CNBD1: variants seen among roughly 807,000 people sequenced by gnomAD.
The protein encoded by CNBD1 is cyclic nucleotide binding domain containing 1.
Under a neutral mutation model 54.4 loss-of-function variants are expected in CNBD1, and 71 were observed. The observed-to-expected ratio is 1.30, with a 90% CI of 1.08 to 1.59. The LOEUF is 1.59. Among genes scored for constraint, CNBD1 ranks in the 40% most tolerant of loss-of-function variants. The probability of loss-of-function intolerance (pLI) is 0.00; values close to 1 mark genes in which losing one functional copy is unlikely to be tolerated. For synonymous variants in CNBD1, 182 were observed against 170.7 expected, an observed-to-expected ratio of 1.07 and a Z score of -0.51; for missense variants, 659 against 518.0, an observed-to-expected ratio of 1.27 and a Z score of -2.64.
intron 3 of CNBD1, among the ~76,000 whole-genome samples, chr8:86,913,898 C>T (rs1809143513): frequency 6.6e-6 from 1 of 152,044 alleles, no homozygotes; most frequent in Non-Finnish European, 1.5e-5. Flanking sequence ...TTTAGAGGCC[C>T]CGCCCTGGGA....
chr8:87,025,874 A>C (rs568089081), intron 4 of CNBD1, among the ~76,000 whole-genome samples: 2 of 152,154 alleles, frequency 1.3e-5, no homozygotes, highest in Non-Finnish European at 2.9e-5. Flanking sequence ...CCAAGAACCC[A>C]CCGGAAGGAA....
chr8:87,001,683 T>C (rs1808996188), intron 4 of CNBD1, among the ~76,000 whole-genome samples: 1 of 152,222 alleles, frequency 6.6e-6, no homozygotes, highest in Admixed American at 6.5e-5. Flanking sequence ...CCTGGGATCA[T>C]GCATAATTAA....
chr8:87,072,908 A>C (rs1810788411), intron 4 of CNBD1, among the ~76,000 whole-genome samples: 1 of 152,128 alleles, frequency 6.6e-6, no homozygotes, highest in South Asian at 2.1e-4. Context: ...ATGTTTTCCA[A>C]CTTGGTTCCA....
At chr8:87,368,409 G>A (rs1810687679) in intron 10 of CNBD1, among the ~76,000 whole-genome samples, 1 of 151,996 alleles carries the variant, frequency 6.6e-6, no homozygotes, top group East Asian at 1.9e-4. Flanking sequence ...GCTGAAGTGA[G>A]AGGACTGTTT....
At position 86,964,974 on chromosome 8, in the gene CNBD1, A is replaced by G. The variant is rs377434261; in HGVS notation, c.431+25220A>G. 3.3e-5 allele frequency among the ~76,000 whole-genome samples: 5 copies of G among 152,168 alleles called. No individual in the cohort carries two copies. The South Asian group carries it at 8.3e-4, about 25-fold the overall frequency. On this transcript the variant is annotated intron_variant, in intron 4 of 10. Transcript: ENST00000518476. Reference sequence around the variant, plus strand: ...ATGGAAAAGCTTTCTTCTTGAGGCAATGCTTCTTTTCTGTGCCTCAAGGTG... The same window carrying G: ...ATGGAAAAGCTTTCTTCTTGAGGCAGTGCTTCTTTTCTGTGCCTCAAGGTG...
rs117420950 is a variant in CNBD1, at chr8:86,995,425, A to G, written c.431+55671A>G. On this transcript the variant is annotated intron_variant, in intron 4 of 10. Coordinates refer to ENST00000518476, the MANE Select transcript of CNBD1 (RefSeq NM_173538.3). ...CAACAAACTAGTTACAAAAACAGTG[A>G]GTGGCTGGATATGGCCCATAGGCCA... Among the ~76,000 whole-genome samples the G allele has an allele frequency of 3.9e-3, 596 of 152,338 alleles. 2 individuals carry two copies. Among genetic ancestry groups the G allele is most frequent in the Middle Eastern group, 6.8e-3 (2 of 294 alleles).
intron 4 of CNBD1, among the ~76,000 whole-genome samples, chr8:87,149,864 ATAAT>A (rs769890337): frequency 3.3e-4 from 51 of 152,240 alleles, no homozygotes; most frequent in Non-Finnish European, 6.9e-4. Flanking sequence ...AAAATAGAAG[ATAAT>A]TAATAAGGAA....
chr8:87,311,679 A>G (rs764537032), intron 8 of CNBD1, among the ~76,000 whole-genome samples: 2 of 152,166 alleles, frequency 1.3e-5, no homozygotes, highest in African/African-American at 2.4e-5. Context: ...ACAATAGCAA[A>G]TATATGAAAT....
chr8:87,398,557 CT>C (rs1659045387), intron 2 of CNBD1, among the ~76,000 whole-genome samples: 1 of 151,984 alleles, frequency 6.6e-6, no homozygotes, highest in Admixed American at 6.6e-5. Context: ...TATTTTCACT[CT>C]CAGTTGCTTA....
intron 8 of CNBD1, among the ~76,000 whole-genome samples, chr8:87,303,895 A>G (rs571654741): frequency 6.6e-6 from 1 of 152,314 alleles, no homozygotes; most frequent in Admixed American, 6.5e-5. Flanking sequence ...AATGCTCACC[A>G]TCACTGGCCA....
chr8:87,137,957 T>TG lies in CNBD1; in HGVS notation c.432-68030dup, dbSNP rs377584721. Among the ~76,000 whole-genome samples, 426 of 152,052 alleles carry TG rather than the reference T, an allele frequency of 2.8e-3. 4 individuals carry two copies. Among genetic ancestry groups the TG allele is most frequent in the African/African-American group, 9.6e-3 (398 of 41,488 alleles). On this transcript the variant is annotated intron_variant, in intron 4 of 10. Coordinates refer to ENST00000518476, the MANE Select transcript of CNBD1 (RefSeq NM_173538.3). ...TTCTTCATTTTGTTCTTGAAGCCCT[T>TG]GGGGGGAAAAAAGGAGAAGCATAAT...
In CNBD1 at chr8:86,905,100, T is replaced by G. The variant is rs781715512; in HGVS notation, c.178T>G (p.Leu60Val). Residue 60 changes from leucine (L) to valine (V), a missense_variant, in exon 3 of 11, where the codon TTA becomes GTA. By Grantham distance (32) the Leu-to-Val change is conservative (BLOSUM62 1). Transcript: ENST00000518476. Reference protein sequence around the residue: ...GQHSRSMSNILSAHDTFMKQY... With the variant: ...GQHSRSMSNIVSAHDTFMKQY... ...TTTAAGCCGGAGTATGAGCAATATC[T>G]TATCAGCTCACGATACATTTATGAA... 1.9e-6 allele frequency: 3 copies of G among 1,608,614 alleles called. No individual in the cohort carries two copies. Among genetic ancestry groups the G allele is most frequent in the Non-Finnish European group, 2.6e-6 (3 of 1,176,022 alleles).
intron 4 of CNBD1, among the ~76,000 whole-genome samples, chr8:87,085,709 TG>T: frequency 6.6e-6 from 1 of 152,222 alleles, no homozygotes; most frequent in East Asian, 1.9e-4. Context: ...TCTTTTCCCA[TG>T]TTCTTGTACT....
intron 4 of CNBD1, among the ~76,000 whole-genome samples, chr8:87,048,813 T>G (rs1810253936): frequency 6.6e-6 from 1 of 152,202 alleles, no homozygotes; most frequent in South Asian, 2.1e-4. Context: ...GGGAAGGAGC[T>G]GCCTGTTGAG....
At chr8:87,102,857 G>A (rs1365035979) in intron 4 of CNBD1, among the ~76,000 whole-genome samples, 1 of 152,064 alleles carries the variant, frequency 6.6e-6, no homozygotes, top group Non-Finnish European at 1.5e-5. Context: ...TTCGTGATCC[G>A]CCCGCCTCAG....
At chr8:87,019,597 G>A (rs1293960265) in intron 4 of CNBD1, among the ~76,000 whole-genome samples, 1 of 152,128 alleles carries the variant, frequency 6.6e-6, no homozygotes, top group African/African-American at 2.4e-5. Context: ...ATTAAATTTG[G>A]CTGGGTGCGG....
chr8:86,885,528 T>C lies in CNBD1; in HGVS notation c.89-2014T>C, dbSNP rs1042006174. Among the ~76,000 whole-genome samples the C allele has an allele frequency of 2.0e-5, 3 of 152,320 alleles. No individual in the cohort carries two copies. In the East Asian group the frequency reaches 5.8e-4, roughly 29 times the overall value. ...GAAAAACAAGACTGGAAAACAAATG[T>C]AAACTTTATACTCTTTGAACCTCTT... On this transcript the variant is annotated intron_variant, in intron 1 of 10. Coordinates refer to ENST00000518476, the MANE Select transcript of CNBD1 (RefSeq NM_173538.3).
chr8:87,336,810 T>C (rs767574569), intron 8 of CNBD1, among the ~76,000 whole-genome samples: 2 of 152,176 alleles, frequency 1.3e-5, no homozygotes, highest in African/African-American at 4.8e-5. Flanking sequence ...TTTTCATTGA[T>C]TCTTTCTCAT....
intron 10 of CNBD1, among the ~76,000 whole-genome samples, chr8:87,363,527 A>G (rs565472228): frequency 1.3e-5 from 2 of 152,122 alleles, no homozygotes; most frequent in African/African-American, 4.8e-5. Flanking sequence ...AAGTTTCCTA[A>G]CTTTTTAATG....
Sources: allele counts gnomAD v4.1 joint callset (sites outside exome capture counted in the v4.1 genomes callset), GRCh38; gene constraint gnomAD v4.1.1; transcripts MANE v1.5; gene names NCBI Gene and HGNC (gene_info 2026-07-23, HGNC 2026-07-21).